Variants in TET3 observed in about 807,000 individuals in gnomAD.
TET3 encodes methylcytosine dioxygenase TET3.
TET3 carries 19 observed loss-of-function variants against 141.4 expected under a neutral mutation model. The ratio of observed to expected loss-of-function variants is 0.13; its 90% CI spans 0.09 to 0.20. The LOEUF (loss-of-function observed/expected upper bound fraction) is 0.20, where lower values mean the gene tolerates loss of function less well. Among genes scored for constraint, TET3 ranks in the 10% least tolerant of loss-of-function variants. TET3 has a pLI of 1.00. For synonymous variants in TET3, 1,043 were observed against 980.9 expected, an observed-to-expected ratio of 1.06 and a Z score of -1.18; for missense variants, 1,874 against 2,356.9, an observed-to-expected ratio of 0.80 and a Z score of 4.24.
chr2:73,986,453 T>G lies in TET3; in HGVS notation c.50T>G (p.Leu17Arg). ...PLAVQPDLPG[L>R]YDFPQRQVMV... ...GCCGTCCAGCCGGACCTGCCAGGCC[T>G]TTATGACTTCCCTCAGCGCCAGGTG... Residue 17 changes from leucine to arginine, a missense_variant, in exon 2 of 12, where the codon CTT (leucine) becomes CGT (arginine). Physicochemically the swap from Leu to Arg is moderately radical, Grantham distance 102 (BLOSUM62 -2). Transcript: ENST00000409262. 2.4e-6 allele frequency: 3 copies of G among 1,232,272 alleles called. No individual in the cohort carries two copies. Among genetic ancestry groups the G allele is most frequent in the Non-Finnish European group, 3.0e-6 (3 of 988,088 alleles). 76.3% of individuals were successfully genotyped at this position (1,232,272 alleles called of 1,614,324 possible).
chr2:74,130,304 G>A, the TET3 span, among the ~76,000 whole-genome samples: 1 of 152,168 alleles, frequency 6.6e-6, no homozygotes, highest in Non-Finnish European at 1.5e-5. Flanking sequence ...CAGCCACAGG[G>A]TATCTTACCA....
Position 74,076,441 on chromosome 2 carries a change from G to C in TET3, c.2585+2802G>C, listed in dbSNP as rs536893974. On this transcript the variant is annotated intron_variant, in intron 5 of 11. Transcript: ENST00000409262. ...AACCTATTCAGGTTCATTCCTCTGG[G>C]TTTTTTTTTTTTTTTTTTTTTTTTT... 7.1e-5 allele frequency among the ~76,000 whole-genome samples: 4 copies of C among 56,584 alleles called. No homozygotes were observed. The South Asian group carries it at 4.0e-3, about 57-fold the overall frequency. 37.1% of individuals were successfully genotyped at this position (56,584 alleles called of 152,430 possible).
intron 3 of TET3, among the ~76,000 whole-genome samples, chr2:74,045,206 T>C (rs755395774): frequency 1.3e-5 from 2 of 152,220 alleles, no homozygotes; most frequent in Non-Finnish European, 2.9e-5. Flanking sequence ...GTCTCAGTAT[T>C]GGTGATGATT....
intron 3 of TET3, among the ~76,000 whole-genome samples, chr2:74,040,401 A>G (rs1330685421): frequency 6.6e-6 from 1 of 152,218 alleles, no homozygotes; most frequent in Admixed American, 6.5e-5. Context: ...GACAGTTCAC[A>G]TTTAGAATTG....
Position 74,093,522 on chromosome 2 carries a change from T to G in TET3, c.3130-7T>G, listed in dbSNP as rs756987821. On this transcript the variant is annotated splice_polypyrimidine_tract_variant and splice_region_variant and intron_variant, in intron 9 of 11. Coordinates refer to ENST00000409262, the MANE Select transcript of TET3 (RefSeq NM_001287491.2). This position sits in a 1 kb window ranked among gnomAD's most constrained non-coding sequence, Gnocchi z 4.2. ...ATGTGAGCACCTCTCCTTGGCTGTC[T>G]ACACAGGTGACCAACGAGGAAATAG... 61 of 1,603,178 alleles carry G rather than the reference T, an allele frequency of 3.8e-5. No homozygotes were observed. The South Asian group carries it at 6.3e-4, about 16-fold the overall frequency.
At chr2:74,070,094 A>G (rs796468598) in intron 4 of TET3, among the ~76,000 whole-genome samples, 18 of 152,308 alleles carry the variant, frequency 1.2e-4, no homozygotes, top group African/African-American at 4.3e-4. Context: ...CTGTGTATGG[A>G]TCTCTAAGCA....
At chr2:74,096,676 G>A (rs1455465149) in intron 10 of TET3, among the ~76,000 whole-genome samples, 2 of 152,066 alleles carry the variant, frequency 1.3e-5, no homozygotes, top group Non-Finnish European at 2.9e-5. Flanking sequence ...GCTGAGGCAG[G>A]AGAATCGCTT....
chr2:74,060,937 A>G (rs1204962891), intron 4 of TET3, among the ~76,000 whole-genome samples: 1 of 152,168 alleles, frequency 6.6e-6, no homozygotes, highest in Non-Finnish European at 1.5e-5. Flanking sequence ...CACAGCAACC[A>G]TCCGATTTCT....
intron 3 of TET3, among the ~76,000 whole-genome samples, chr2:74,034,762 T>C (rs537590960): frequency 2.0e-5 from 3 of 152,276 alleles, no homozygotes; most frequent in South Asian, 2.1e-4. Context: ...TGTCTCCTGA[T>C]GCATGTGTAC....
At chr2:74,098,511 G>A (rs992171046) in intron 10 of TET3, among the ~76,000 whole-genome samples, 1 of 152,098 alleles carries the variant, frequency 6.6e-6, no homozygotes, top group Admixed American at 6.5e-5. Context: ...TTACTTCTGG[G>A]TGGTGGGATG....
At chr2:74,061,544 G>T (rs1448925700) in intron 4 of TET3, among the ~76,000 whole-genome samples, 1 of 148,318 alleles carries the variant, frequency 6.7e-6, no homozygotes, top group African/African-American at 2.5e-5. Context: ...AGGGGCGGCC[G>T]GGCAGAGGCG....
At chr2:74,013,811 C>CA (rs1012669080) in intron 3 of TET3, among the ~76,000 whole-genome samples, 7 of 149,362 alleles carry the variant, frequency 4.7e-5, no homozygotes, top group South Asian at 2.1e-4. Context: ...GACTCCATCT[C>CA]AAAAAAAAAT....
intron 3 of TET3, among the ~76,000 whole-genome samples, chr2:74,036,645 TCTC>T (rs1169106417): frequency 6.6e-6 from 1 of 152,226 alleles, no homozygotes; most frequent in Non-Finnish European, 1.5e-5. Flanking sequence ...TTATCTCTGA[TCTC>T]CACCTTGGAG....
intron 2 of TET3, among the ~76,000 whole-genome samples, chr2:73,991,206 C>T (rs1023374557): frequency 3.3e-5 from 5 of 151,918 alleles, no homozygotes; most frequent in East Asian, 3.9e-4. Context: ...TTTAGAATAT[C>T]GTCTTTCAAA....
chr2:74,043,724 G>A (rs1396777073), intron 3 of TET3, among the ~76,000 whole-genome samples: 1 of 152,200 alleles, frequency 6.6e-6, no homozygotes, highest in Non-Finnish European at 1.5e-5. Flanking sequence ...GCAAGGGTGA[G>A]GATGAGACAG....
intron 7 of TET3, 74 bp downstream of exon 7, chr2:74,088,112 A>G (rs940787358): frequency 3.4e-6 from 5 of 1,456,066 alleles, no homozygotes; most frequent in Non-Finnish European, 4.6e-6. Context: ...GACTGCAGGC[A>G]ACCCTGGGGA....
chr2:74,065,559 T>TG (rs1372691547), intron 4 of TET3, among the ~76,000 whole-genome samples: 3 of 151,356 alleles, frequency 2.0e-5, no homozygotes, highest in Non-Finnish European at 2.9e-5. Flanking sequence ...TTTTTTGTTT[T>TG]TTTTTTTTTT....
chr2:74,097,630 T>C (rs1429929599), intron 10 of TET3, among the ~76,000 whole-genome samples: 1 of 152,022 alleles, frequency 6.6e-6, no homozygotes, highest in African/African-American at 2.4e-5. Flanking sequence ...CCAGAGTCTT[T>C]AGTGGGGTTT....
At chr2:74,001,985 G>C (rs1467402391) in intron 2 of TET3, among the ~76,000 whole-genome samples, 1 of 152,094 alleles carries the variant, frequency 6.6e-6, no homozygotes. Flanking sequence ...AGAGTGAGGT[G>C]TGGGTGTTTG....
Sources: allele counts gnomAD v4.1 joint callset (sites outside exome capture counted in the v4.1 genomes callset), GRCh38; gene constraint gnomAD v4.1.1; non-coding constraint Gnocchi (gnomAD v3.1); transcripts MANE v1.5; gene names NCBI Gene and HGNC (gene_info 2026-07-23, HGNC 2026-07-21).